MEGF10: variants seen among roughly 807,000 people sequenced by gnomAD.
MEGF10 encodes the protein multiple EGF like domains 10.
Under a neutral mutation model 147.5 loss-of-function variants are expected in MEGF10, and 86 were observed. The observed-to-expected ratio is 0.58, with a 90% CI of 0.49 to 0.70. MEGF10 has a LOEUF of 0.70. Among genes scored for constraint, MEGF10 ranks in the 30% least tolerant of loss-of-function variants. The pLI is 0.00. For synonymous variants in MEGF10, 478 were observed against 525.5 expected, an observed-to-expected ratio of 0.91 and a Z score of 1.24; for missense variants, 1,329 against 1,487.3, an observed-to-expected ratio of 0.89 and a Z score of 1.75.
At chr5:127,395,681 A>G (rs1763883730) in intron 5 of MEGF10, among the ~76,000 whole-genome samples, 1 of 151,218 alleles carries the variant, frequency 6.6e-6, no homozygotes, top group South Asian at 2.1e-4. Flanking sequence ...AGTAGCTGGG[A>G]CTACAGGCGC....
chr5:127,347,894 A>G (rs1761949930), intron 4 of MEGF10, among the ~76,000 whole-genome samples: 1 of 152,092 alleles, frequency 6.6e-6, no homozygotes, highest in Non-Finnish European at 1.5e-5. Context: ...ATGGGTTCTC[A>G]TGCCTATTAA....
At chr5:127,329,108 A>AT (rs1246103574) in intron 1 of MEGF10, among the ~76,000 whole-genome samples, 1 of 152,126 alleles carries the variant, frequency 6.6e-6, no homozygotes, top group African/African-American at 2.4e-5. Context: ...TATCATCATC[A>AT]TTTTTTATTC....
intron 8 of MEGF10, among the ~76,000 whole-genome samples, chr5:127,409,098 TC>T (rs1764449120): frequency 6.6e-6 from 1 of 152,102 alleles, no homozygotes; most frequent in Admixed American, 6.5e-5. Flanking sequence ...TCAAGATTTG[TC>T]CTCTACACTA....
the MEGF10 span, among the ~76,000 whole-genome samples, chr5:127,247,320 GAAGAAGAAGA>G: frequency 1.2e-4 from 1 of 8,640 alleles, no homozygotes; most frequent in Non-Finnish European, 4.9e-4. Flanking sequence ...GAAAGAGAGA[GAAGAAGAAGA>G]AGAAGAAGAA....
In MEGF10 at chr5:127,455,539, C is replaced by T; in HGVS notation, c.3164C>T (p.Ala1055Val). The change falls in exon 24 of 25, where the codon GCA becomes GTA. Residue 1055 changes from alanine (A) to valine (V), a missense_variant. Ala to Val is a moderately conservative substitution (Grantham distance 64). Coordinates refer to ENST00000503335, the MANE Select transcript of MEGF10 (RefSeq NM_001256545.2). ...ECGYVEMKSP[A>V]RRDSPYAEIN... is the part of the protein sequence containing the mutation. ...GGTTATGTGGAGATGAAATCGCCGG[C>T]ACGAAGAGATTCCCCATATGCAGAG... The T allele has an allele frequency of 6.2e-7, 1 of 1,614,086 alleles. No individual in the cohort carries two copies. Among genetic ancestry groups the T allele is most frequent in the Non-Finnish European group, 8.5e-7 (1 of 1,180,002 alleles).
chr5:127,385,429 T>C (rs2126893441), intron 5 of MEGF10, among the ~76,000 whole-genome samples: 1 of 152,264 alleles, frequency 6.6e-6, no homozygotes, highest in East Asian at 1.9e-4. Flanking sequence ...CGCACCACCA[T>C]GCCTGGCTAA....
intron 4 of MEGF10, among the ~76,000 whole-genome samples, chr5:127,350,336 T>C (rs1403454271): frequency 6.6e-6 from 1 of 152,176 alleles, no homozygotes; most frequent in Non-Finnish European, 1.5e-5. Context: ...GTTCCTAAGA[T>C]AAAAATTTGT....
At chr5:127,257,942 T>G in the MEGF10 span, among the ~76,000 whole-genome samples, 9 of 152,224 alleles carry the variant, frequency 5.9e-5, no homozygotes, top group African/African-American at 2.2e-4. Context: ...AATTAAGATT[T>G]GTTTCTACTA....
At chr5:127,261,257 C>T in the MEGF10 span, among the ~76,000 whole-genome samples, 16 of 152,256 alleles carry the variant, frequency 1.1e-4, no homozygotes, top group South Asian at 2.5e-3. Flanking sequence ...ATCCAAATCC[C>T]CTTATACCCC....
chr5:127,285,346 T>C, the MEGF10 span, among the ~76,000 whole-genome samples: 2 of 152,158 alleles, frequency 1.3e-5, no homozygotes, highest in African/African-American at 4.8e-5. Context: ...AATAGTCTTA[T>C]AATATTACTA....
the MEGF10 span, among the ~76,000 whole-genome samples, chr5:127,247,419 GA>G: frequency 1.2e-4 from 10 of 80,680 alleles, 1 homozygote; most frequent in African/African-American, 4.0e-4. Flanking sequence ...AGAAGAAGAA[GA>G]AGAAGAAGAA....
intron 22 of MEGF10, among the ~76,000 whole-genome samples, chr5:127,450,798 G>A (rs770875336): frequency 1.2e-4 from 18 of 151,874 alleles, no homozygotes; most frequent in Non-Finnish European, 1.9e-4. Context: ...TCGCTCTGTC[G>A]TCTAGGCTGT....
At chr5:127,438,662 G>A (rs1765645097) in intron 17 of MEGF10, 95 bp downstream of exon 17, 1 of 1,398,096 alleles carries the variant, frequency 7.2e-7, no homozygotes, top group East Asian at 2.3e-5. Context: ...CTCAACAAAG[G>A]TCCCTGAGGT....
At chr5:127,384,532 T>C (rs1763363880) in intron 5 of MEGF10, among the ~76,000 whole-genome samples, 1 of 152,188 alleles carries the variant, frequency 6.6e-6, no homozygotes, top group Non-Finnish European at 1.5e-5. Context: ...ACATCAACAT[T>C]TGCACTTCAG....
At chr5:127,313,537 C>T (rs552345178) in intron 1 of MEGF10, among the ~76,000 whole-genome samples, 2 of 152,282 alleles carry the variant, frequency 1.3e-5, no homozygotes, top group South Asian at 2.1e-4. Flanking sequence ...CTTATATGCA[C>T]GGACACATAT....
intron 16 of MEGF10, among the ~76,000 whole-genome samples, chr5:127,437,406 C>T (rs560390574): frequency 6.8e-6 from 1 of 147,620 alleles, no homozygotes; most frequent in South Asian, 2.3e-4. Flanking sequence ...TTTCCCCTTG[C>T]TCTTGGACAT....
At chr5:127,235,832 C>T in the MEGF10 span, among the ~76,000 whole-genome samples, 2 of 152,262 alleles carry the variant, frequency 1.3e-5, no homozygotes, top group East Asian at 3.9e-4. Flanking sequence ...TGCAAAAGAG[C>T]TATAAGCATA....
rs747909671 is a variant in MEGF10 at position 127,398,678 on chromosome 5, G to A, written c.662G>A (p.Cys221Tyr). 1 of 1,614,114 alleles carries A rather than the reference G, an allele frequency of 6.2e-7. No individual in the cohort carries two copies. The highest frequency in any genetic ancestry group is 1.1e-5 in the South Asian group (1 of 91,064). The change falls in exon 7 of 25, where the codon TGT (cysteine) becomes TAT (tyrosine). Residue 221 changes from cysteine to tyrosine, a missense_variant and splice_region_variant. By Grantham distance (194) the Cys-to-Tyr change is radical (BLOSUM62 -2). This residue lies in a region of MEGF10 where 980 missense variants were observed against 1,085.9 expected (regional missense o/e 0.90). Coordinates refer to ENST00000503335, the MANE Select transcript of MEGF10 (RefSeq NM_001256545.2). ...TTTGTCACATGTTAATCCCTCAGCTGTGAGGATCTTTGTCCTCCTGGTAAA... is the reference window on the plus strand; with the variant it reads ...TTTGTCACATGTTAATCCCTCAGCTATGAGGATCTTTGTCCTCCTGGTAAA... The part of the protein sequence containing the change: ...RCPPGYTGAF[C>Y]EDLCPPGKHG...
the MEGF10 span, among the ~76,000 whole-genome samples, chr5:127,231,856 G>T: frequency 0.51 from 77,961 of 152,046 alleles, 20,616 homozygotes; most frequent in Middle Eastern, 0.67. Flanking sequence ...AATGGAGAAT[G>T]TGGAAGAAGA....
Sources: allele counts gnomAD v4.1 joint callset (sites outside exome capture counted in the v4.1 genomes callset), GRCh38; gene constraint gnomAD v4.1.1; regional missense constraint gnomAD v4.1.1; transcripts MANE v1.5; gene names NCBI Gene and HGNC (gene_info 2026-07-23, HGNC 2026-07-21).